UBE2J1: variants seen among roughly 807,000 people sequenced by gnomAD.
UBE2J1 encodes ubiquitin conjugating enzyme E2 J1.
Under a neutral mutation model 42.1 loss-of-function variants are expected in UBE2J1, and 17 were observed. That is an observed-to-expected ratio of 0.40 (90% CI 0.28 to 0.61). UBE2J1 has a LOEUF of 0.61. Ranked by LOEUF, UBE2J1 falls within the 20% of genes least tolerant of loss-of-function variation. UBE2J1 has a pLI of 0.38. For synonymous variants in UBE2J1, 127 were observed against 137.2 expected, an observed-to-expected ratio of 0.93 and a Z score of 0.52; for missense variants, 291 against 389.4, an observed-to-expected ratio of 0.75 and a Z score of 2.13.
At chr6:89,341,055 G>T (rs1183435945) in intron 3 of UBE2J1, among the ~76,000 whole-genome samples, 2 of 152,156 alleles carry the variant, frequency 1.3e-5, no homozygotes, top group Non-Finnish European at 2.9e-5. Flanking sequence ...GATTACAGGC[G>T]TGAGCCACCG....
rs1412393522 is a variant in UBE2J1, at chr6:89,329,031, A to G, written c.*648T>C. The G allele has an allele frequency of 6.6e-6, 1 of 152,272 alleles. No individual in the cohort carries two copies. The highest frequency in any genetic ancestry group is 1.5e-5 in the Non-Finnish European group (1 of 68,098). 9.4% of individuals were successfully genotyped at this position (152,272 alleles called of 1,614,324 possible). On this transcript the variant is annotated 3_prime_UTR_variant, in exon 8 of 8. Transcript: ENST00000435041. ...TGGCAGCAGAGGGCAGGGGGTGGTG[A>G]TAACAGCATATCAAAGTGGTTACAA...
chr6:89,346,540 C>A (rs891770558), intron 1 of UBE2J1, among the ~76,000 whole-genome samples: 5 of 152,142 alleles, frequency 3.3e-5, no homozygotes, highest in Admixed American at 6.5e-5. Flanking sequence ...AGGGCCCAGG[C>A]TGCTCCGGCC....
rs560479921 is a variant in UBE2J1 at position 89,338,957 on chromosome 6, G to A, written c.238-414C>T. Among the ~76,000 whole-genome samples the A allele has an allele frequency of 5.4e-3, 825 of 151,530 alleles. 5 individuals carry two copies. The highest frequency in any genetic ancestry group is 0.016 in the African/African-American group (655 of 41,428). ...TGGGATTACAGGCATGAGCCACCGC[G>A]CCCGGCCAAAAAGATTTTTTTTTAA... On this transcript the variant is annotated intron_variant, in intron 3 of 7. Coordinates refer to ENST00000435041, the MANE Select transcript of UBE2J1 (RefSeq NM_016021.3).
chr6:89,350,854 A>G (rs1408735094), intron 1 of UBE2J1, among the ~76,000 whole-genome samples: 3 of 152,066 alleles, frequency 2.0e-5, no homozygotes, highest in Non-Finnish European at 2.9e-5. Context: ...TACTACTCAC[A>G]TGTGCATTAT....
intron 2 of UBE2J1, among the ~76,000 whole-genome samples, chr6:89,343,472 T>G (rs1768295520): frequency 6.7e-6 from 1 of 150,060 alleles, no homozygotes; most frequent in Non-Finnish European, 1.5e-5. Flanking sequence ...TAACCTCAAC[T>G]TAGCATCTGA....
intron 1 of UBE2J1, among the ~76,000 whole-genome samples, chr6:89,344,060 C>T (rs1768311695): frequency 6.6e-6 from 1 of 151,958 alleles, no homozygotes; most frequent in Non-Finnish European, 1.5e-5. Context: ...ACATTAATAA[C>T]TCATTTAACC....
chr6:89,347,356 C>A (rs559835040), intron 1 of UBE2J1, among the ~76,000 whole-genome samples: 1 of 152,194 alleles, frequency 6.6e-6, no homozygotes, highest in Non-Finnish European at 1.5e-5. Flanking sequence ...CTTCATTCCT[C>A]GTCAACTGGC....
rs368433561 is a variant in UBE2J1, at chr6:89,342,408, G to A, written c.153C>T (p.Ser51=). The change falls in exon 3 of 8, where the codon TCC becomes TCT. Residue 51 remains serine (S), a synonymous_variant. Coordinates refer to ENST00000435041, the MANE Select transcript of UBE2J1 (RefSeq NM_016021.3). ...CGTGATAAACTCCTCCATCAAAATCGGAGTCTGGGGGCCCTCTAACCGTGA... is the reference window on the plus strand; with the variant it reads ...CGTGATAAACTCCTCCATCAAAATCAGAGTCTGGGGGCCCTCTAACCGTGA... ...WHFTVRGPPD[S]DFDGGVYHGR... 79 of 1,612,928 alleles carry A rather than the reference G, an allele frequency of 4.9e-5. No individual in the cohort carries two copies. Among genetic ancestry groups the A allele is most frequent in the South Asian group, 8.8e-5 (8 of 90,928 alleles).
At chr6:89,345,162 G>A (rs1464859469) in intron 1 of UBE2J1, among the ~76,000 whole-genome samples, 1 of 152,176 alleles carries the variant, frequency 6.6e-6, no homozygotes, top group African/African-American at 2.4e-5. Flanking sequence ...AACTCCCCAG[G>A]TAGATATGAA....
intron 1 of UBE2J1, among the ~76,000 whole-genome samples, chr6:89,345,383 C>T (rs944402809): frequency 6.6e-6 from 1 of 152,132 alleles, no homozygotes; most frequent in South Asian, 2.1e-4. Flanking sequence ...GAGTGGATCA[C>T]CTGAGGTCAA....
chr6:89,344,415 A>G (rs1768318393), intron 1 of UBE2J1, among the ~76,000 whole-genome samples: 1 of 152,158 alleles, frequency 6.6e-6, no homozygotes, highest in Admixed American at 6.5e-5. Flanking sequence ...TAAAACCTCC[A>G]GTCCACTGAC....
chr6:89,347,678 C>A (rs1236711476), intron 1 of UBE2J1, among the ~76,000 whole-genome samples: 1 of 151,694 alleles, frequency 6.6e-6, no homozygotes, highest in African/African-American at 2.4e-5. Flanking sequence ...TCTCTTGTTT[C>A]CATAAGCTAT....
At chr6:89,335,815 T>C (rs542037841) in intron 5 of UBE2J1, among the ~76,000 whole-genome samples, 38 of 152,058 alleles carry the variant, frequency 2.5e-4, no homozygotes, top group African/African-American at 9.2e-4. Context: ...CAGAAATATA[T>C]ATAAAGCAGT....
rs9353667 is a variant in UBE2J1, at chr6:89,352,489, G to A, written c.31+50C>T. On this transcript the variant is annotated intron_variant, in intron 1 of 7. Coordinates refer to ENST00000435041, the MANE Select transcript of UBE2J1 (RefSeq NM_016021.3). ...GGGACCGAGGCGGCGACCACCCCGG[G>A]GTCCAGGGTCACTCCGCCCTCCTCG... is the stretch of plus-strand genomic sequence containing the variant. 0.015 allele frequency: 22,314 copies of A among 1,527,676 alleles called. 2,178 individuals carry two copies. The East Asian group carries it at 0.31, about 21-fold the overall frequency. The allele number at this position is 1,527,676 out of a possible 1,614,324, so 94.6% of individuals were successfully genotyped here.
chr6:89,352,311 G>C (rs994999268), intron 1 of UBE2J1, among the ~76,000 whole-genome samples: 1 of 152,334 alleles, frequency 6.6e-6, no homozygotes, highest in South Asian at 2.1e-4. Context: ...AAAGGGAGAG[G>C]CTGGGTGCTG....
At chr6:89,341,698 T>C (rs1321369611) in intron 3 of UBE2J1, among the ~76,000 whole-genome samples, 3 of 151,204 alleles carry the variant, frequency 2.0e-5, no homozygotes, top group Non-Finnish European at 4.4e-5. Flanking sequence ...CGCTCCAGCC[T>C]GGGCAACAGA....
At chr6:89,332,466 GTA>G (rs757902114) in intron 7 of UBE2J1, among the ~76,000 whole-genome samples, 6 of 152,180 alleles carry the variant, frequency 3.9e-5, no homozygotes, top group Non-Finnish European at 4.4e-5. Flanking sequence ...TGGACACTTA[GTA>G]TATACGAGGT....
intron 1 of UBE2J1, 21 bp downstream of exon 1, chr6:89,352,518 A>G (rs1341759577): frequency 6.4e-7 from 1 of 1,564,704 alleles, no homozygotes. Flanking sequence ...CTCCTCGCCC[A>G]GGGGCCCCAG....
At chr6:89,338,669 T>TG (rs1562416642) in intron 3 of UBE2J1, 126 bp from the exon 4 acceptor site, 5 of 265,400 alleles carry the variant, frequency 1.9e-5, no homozygotes, top group South Asian at 1.5e-4. Flanking sequence ...TTTTTTTTTT[T>TG]TTTTTTTTTT....
Sources: allele counts gnomAD v4.1 joint callset (sites outside exome capture counted in the v4.1 genomes callset), GRCh38; gene constraint gnomAD v4.1.1; transcripts MANE v1.5; gene names NCBI Gene and HGNC (gene_info 2026-07-23, HGNC 2026-07-21).